CAPN9: variants seen among roughly 807,000 people sequenced by gnomAD.
CAPN9 encodes calpain 9.
CAPN9 carries 81 observed loss-of-function variants against 92.8 expected under a neutral mutation model. The ratio of observed to expected loss-of-function variants is 0.87; its 90% CI spans 0.73 to 1.05. The LOEUF (loss-of-function observed/expected upper bound fraction) is 1.05. Ranked by LOEUF, CAPN9 falls within the 50% of genes least tolerant of loss-of-function variation. CAPN9 has a pLI of 0.00. For synonymous variants in CAPN9, 304 were observed against 328.0 expected (o/e 0.93, Z 0.79); for missense variants, 848 against 866.2 (o/e 0.98, Z 0.26).
chr1:230,790,368 A>G (rs932986381), intron 14 of CAPN9, 179 bp downstream of exon 14: 4 of 953,630 alleles, frequency 4.2e-6, no homozygotes, highest in Non-Finnish European at 5.0e-6. Context: ...ATGCAGGTTT[A>G]TAGTAGAAAA....
Position 230,780,623 on chromosome 1 carries a change from T to C in CAPN9, c.1396T>C (p.Tyr466His). The C allele has an allele frequency of 6.2e-7, 1 of 1,613,942 alleles. No homozygotes were observed. The highest frequency in any genetic ancestry group is 8.5e-7 in the Non-Finnish European group (1 of 1,179,964). ...CCGGTTCAAGCTGCCCCCTGGGGAGTACATCCTGATTCCCAGCACTTTTGA... is the reference window on the plus strand; with the variant it reads ...CCGGTTCAAGCTGCCCCCTGGGGAGCACATCCTGATTCCCAGCACTTTTGA... ...SDRFKLPPGE[Y>H]ILIPSTFEPH... Residue 466 changes from tyrosine (Y) to histidine (H), a missense_variant, in exon 11 of 20, where the codon TAC (tyrosine) becomes CAC (histidine). By Grantham distance (83) the Tyr-to-His change is moderately conservative (BLOSUM62 2). Coordinates refer to ENST00000271971, the MANE Select transcript of CAPN9 (RefSeq NM_006615.3).
chr1:230,777,649 C>T (rs1017825883), intron 8 of CAPN9, among the ~76,000 whole-genome samples: 4 of 152,122 alleles, frequency 2.6e-5, no homozygotes, highest in African/African-American at 9.7e-5. Flanking sequence ...CTTACTCTCT[C>T]GACTCCACTC....
At chr1:230,767,284 G>A (rs1035710326) in intron 4 of CAPN9, among the ~76,000 whole-genome samples, 10 of 152,058 alleles carry the variant, frequency 6.6e-5, no homozygotes, top group Admixed American at 4.6e-4. Context: ...TTGAACCTGC[G>A]GCCACTCAGG....
At chr1:230,757,730 A>AG (rs1478728880) in intron 2 of CAPN9, among the ~76,000 whole-genome samples, 1 of 151,352 alleles carries the variant, frequency 6.6e-6, no homozygotes, top group Non-Finnish European at 1.5e-5. Flanking sequence ...AAAAAAAAAA[A>AG]AAAAACTAGA....
intron 12 of CAPN9, among the ~76,000 whole-genome samples, chr1:230,787,240 A>G (rs1667654964): frequency 1.3e-5 from 2 of 152,192 alleles, no homozygotes; most frequent in Admixed American, 6.5e-5. Flanking sequence ...TGAAAATCCA[A>G]TGGCCAGGAC....
chr1:230,757,660 T>A (rs1665328770), intron 2 of CAPN9, among the ~76,000 whole-genome samples: 1 of 148,204 alleles, frequency 6.7e-6, no homozygotes. Context: ...GGTGGGAAGA[T>A]CTCTTGAGCC....
chr1:230,800,349 T>C (rs890331411), intron 19 of CAPN9, among the ~76,000 whole-genome samples: 3 of 151,952 alleles, frequency 2.0e-5, no homozygotes, highest in Non-Finnish European at 4.4e-5. Context: ...ATTTATCATT[T>C]ACTTTAAGGT....
chr1:230,800,302 GA>G (rs1491094743), intron 19 of CAPN9, among the ~76,000 whole-genome samples: 2 of 74,724 alleles, frequency 2.7e-5, no homozygotes, highest in African/African-American at 1.0e-4. Flanking sequence ...AAGAAAGAAA[GA>G]AAGGAAAAAC....
chr1:230,779,470 T>C (rs1224234897), intron 9 of CAPN9, among the ~76,000 whole-genome samples: 1 of 152,128 alleles, frequency 6.6e-6, no homozygotes, highest in Non-Finnish European at 1.5e-5. Flanking sequence ...CCTGGTTCCA[T>C]TTGCTTGTAA....
At chr1:230,800,267 A>AAAG (rs1491466987) in intron 19 of CAPN9, among the ~76,000 whole-genome samples, 1 of 134,638 alleles carries the variant, frequency 7.4e-6, no homozygotes, top group Non-Finnish European at 1.6e-5. Context: ...AGAAAGAAAG[A>AAAG]AAGAAAGAAA....
At chr1:230,754,747 C>T (rs1365587195) in intron 1 of CAPN9, among the ~76,000 whole-genome samples, 1 of 152,022 alleles carries the variant, frequency 6.6e-6, no homozygotes, top group African/African-American at 2.4e-5. Context: ...CCCAGAAGGT[C>T]AAGGCTGTAG....
intron 1 of CAPN9, chr1:230,752,595 G>A (rs1295860838): frequency 3.8e-6 from 3 of 795,318 alleles, no homozygotes; most frequent in African/African-American, 3.8e-5. Context: ...AAGGCTGGGG[G>A]AGGGGAGGGG....
At position 230,772,043 on chromosome 1, in the gene CAPN9, C is replaced by T. The variant is rs1171105915; in HGVS notation, c.819C>T (p.Leu273=). ...GCTTCCGAGGCCAGAGAATCGAGCTCATCCGAATCCGGAACCCTTGGGGCC... is the reference window on the plus strand; with the variant it reads ...GCTTCCGAGGCCAGAGAATCGAGCTTATCCGAATCCGGAACCCTTGGGGCC... The part of the protein sequence containing the change: ...QVSFRGQRIE[L]IRIRNPWGQV... The change falls in exon 7 of 20, where the codon CTC becomes CTT. Residue 273 remains leucine (L), a synonymous_variant. Coordinates refer to ENST00000271971, the MANE Select transcript of CAPN9 (RefSeq NM_006615.3). The T allele has an allele frequency of 1.2e-6, 2 of 1,614,230 alleles. No homozygotes were observed. Among genetic ancestry groups the T allele is most frequent in the East Asian group, 2.2e-5 (1 of 44,878 alleles).
intron 15 of CAPN9, 93 bp from the exon 16 acceptor site, chr1:230,792,333 C>T (rs1424348622): frequency 4.2e-5 from 44 of 1,040,354 alleles, no homozygotes; most frequent in Middle Eastern, 2.3e-4. Flanking sequence ...GCCAGCCCAT[C>T]GGCCCTCCCC....
chr1:230,752,656 G>A, intron 1 of CAPN9: 2 of 985,140 alleles, frequency 2.0e-6, no homozygotes, highest in Non-Finnish European at 2.4e-6. Context: ...TGCCCCAGGA[G>A]CTAGCACAGC....
At chr1:230,762,540 T>A in intron 3 of CAPN9, 113 bp from the exon 4 acceptor site, 6 of 1,265,664 alleles carry the variant, frequency 4.7e-6, no homozygotes, top group Non-Finnish European at 6.6e-6. Flanking sequence ...CAAAGCTGTC[T>A]ATGGGTAGCT....
chr1:230,790,337 G>C (rs1170304899), intron 14 of CAPN9, 148 bp downstream of exon 14: 18 of 1,385,430 alleles, frequency 1.3e-5, no homozygotes, highest in East Asian at 2.6e-5. Flanking sequence ...TTCATTGTTT[G>C]TTTTCCTGAT....
chr1:230,771,403 A>C (rs28359654), intron 6 of CAPN9, among the ~76,000 whole-genome samples: 1,535 of 152,378 alleles, frequency 0.01, 37 homozygotes, highest in African/African-American at 0.035. Flanking sequence ...GCCTGAGGGC[A>C]CACAGGCTCA....
At chr1:230,749,835 T>C (rs995211373) in intron 1 of CAPN9, among the ~76,000 whole-genome samples, 1 of 152,198 alleles carries the variant, frequency 6.6e-6, no homozygotes, top group African/African-American at 2.4e-5. Context: ...ACTGCTGTCA[T>C]TGTAACCTAA....
Sources: gnomAD v4.1 joint callset for allele counts (sites outside exome capture counted in the v4.1 genomes callset) on GRCh38, gnomAD v4.1.1 for gene constraint, MANE v1.5 for transcripts, NCBI Gene and HGNC (gene_info 2026-07-23, HGNC 2026-07-21) for gene names.